The following OR10X1 variants were observed in gnomAD, a reference collection of about 807,000 sequenced individuals.
OR10X1 encodes olfactory receptor family 10 subfamily X member 1, also known as olfactory receptor 10X1.
For synonymous variants in OR10X1, 179 were observed against 142.6 expected (o/e 1.26, Z -1.82); for missense variants, 449 against 387.0 (o/e 1.16, Z -1.34).
Position 158,579,229 on chromosome 1 carries a change from A to T in OR10X1, c.671T>A (p.Leu224Gln), listed in dbSNP as rs367556548. ...CAGGATGATGAGCAGAAGGGTACCC[A>T]GCAAACCAGACACTGAGATCAGTGT... Reference protein sequence around the residue: ...IITLISVSGLLGTLLLIILTD... With the variant: ...IITLISVSGLQGTLLLIILTD... The change falls in exon 1 of 1, where the codon CTG (leucine) becomes CAG (glutamine). Residue 224 changes from leucine to glutamine, a missense_variant. Coordinates refer to ENST00000623167, the MANE Select transcript of OR10X1 (RefSeq NM_001004477.1). 1.2e-6 allele frequency: 2 copies of T among 1,614,018 alleles called. No individual in the cohort carries two copies. Among genetic ancestry groups the T allele is most frequent in the African/African-American group, 2.7e-5 (2 of 75,010 alleles).
At position 158,579,143 on chromosome 1, in the gene OR10X1, C is replaced by T. The variant is rs1422494527; in HGVS notation, c.757G>A (p.Ala253Thr). The T allele has an allele frequency of 7.4e-6, 12 of 1,613,674 alleles. No individual in the cohort carries two copies. Among genetic ancestry groups the T allele is most frequent in the Admixed American group, 6.7e-5 (4 of 59,962 alleles). Residue 253 changes from alanine to threonine, a missense_variant, in exon 1 of 1, where the codon GCC (alanine) becomes ACC (threonine). Ala to Thr is a moderately conservative substitution (Grantham distance 58). Transcript: ENST00000623167. ...AGGTGGGAGGCACAGGTGGTGAAGG[C>T]CTTCTGCTTGCCCTCAGCTGAAGGG... ...RIPSAEGKQK[A>T]FTTCASHLTV...
rs749110257 is a variant in OR10X1 at position 158,579,169 on chromosome 1, A to G, written c.731T>C (p.Ile244Thr). Residue 244 changes from isoleucine to threonine, a missense_variant, in exon 1 of 1, where the codon ATC (isoleucine) becomes ACC (threonine). Ile to Thr is a moderately conservative substitution (Grantham distance 89, BLOSUM62 -1). Transcript: ENST00000623167. The stretch of plus-strand genomic sequence containing the variant: ...CTTCTGCTTGCCCTCAGCTGAAGGG[A>G]TCCTGAGGACAGTAGAAATAATGAA... ...DVFIISTVLR[I>T]PSAEGKQKAF... 2 of 1,613,954 alleles carry G rather than the reference A, an allele frequency of 1.2e-6. No homozygotes were observed. The highest frequency in any genetic ancestry group is 2.2e-5 in the South Asian group (2 of 91,060).
rs1257763774 is a variant in OR10X1 at position 158,579,308 on chromosome 1, G to C, written c.592C>G (p.Leu198Val). 5.6e-6 allele frequency: 9 copies of C among 1,613,796 alleles called. No homozygotes were observed. The highest frequency in any genetic ancestry group is 2.7e-5 in the African/African-American group (2 of 74,872). ...ATACAAGACAGCCTAATAACTGCCA[G>C]CATATGGCAGAAGAAGTGTTTGACA... ...NLVKHFFCHM[L>V]AVIRLSCIDS... Residue 198 changes from leucine (L) to valine (V), a missense_variant, in exon 1 of 1, where the codon CTG (leucine) becomes GTG (valine). Leu to Val is a conservative substitution (Grantham distance 32). Transcript: ENST00000623167.
At position 158,579,138 on chromosome 1, in the gene OR10X1, G is replaced by A. The variant is rs1428681863; in HGVS notation, c.762C>T (p.Phe254=). ...IPSAEGKQKA[F]TTCASHLTVV... is the part of the protein sequence containing the mutation. ...CGGTGAGGTGGGAGGCACAGGTGGTGAAGGCCTTCTGCTTGCCCTCAGCTG... is the reference window on the plus strand; with the variant it reads ...CGGTGAGGTGGGAGGCACAGGTGGTAAAGGCCTTCTGCTTGCCCTCAGCTG... The change falls in exon 1 of 1, where the codon TTC becomes TTT. Residue 254 remains phenylalanine, a synonymous_variant. Coordinates refer to ENST00000623167, the MANE Select transcript of OR10X1 (RefSeq NM_001004477.1). 1.2e-6 allele frequency: 2 copies of A among 1,613,942 alleles called. No individual in the cohort carries two copies. Among genetic ancestry groups the A allele is most frequent in the African/African-American group, 1.3e-5 (1 of 74,992 alleles).
Position 158,579,459 on chromosome 1 carries a change from T to A in OR10X1, c.441A>T (p.Arg147Ser). 6.2e-7 allele frequency: 1 copy of A among 1,614,032 alleles called. No homozygotes were observed. The highest frequency in any genetic ancestry group is 8.5e-7 in the Non-Finnish European group (1 of 1,179,962). ...DRFLAICNPL[R>S]YPLLMTNIVC... The stretch of plus-strand genomic sequence containing the variant: ...CAATGTTGGTCATAAGCAGTGGATA[T>A]CTTAGAGGGTTACAGATGGCCAGGA... The change falls in exon 1 of 1, where the codon AGA becomes AGT. Residue 147 changes from arginine (R) to serine (S), a missense_variant. Transcript: ENST00000623167.
In OR10X1 at chr1:158,579,792, G is replaced by T; in HGVS notation, c.108C>A (p.Tyr36Ter). The change falls in exon 1 of 1, where the codon TAC becomes TAA. Residue 36 changes from tyrosine (Y) to a stop codon, truncating the protein, a stop_gained. Coordinates refer to ENST00000623167, the MANE Select transcript of OR10X1 (RefSeq NM_001004477.1). LOFTEE classifies it low-confidence loss of function (END_TRUNC). The part of the protein sequence containing the change: ...KEFILVGFSV[Y>*]PHVQTFLFVV... ...CAAAAAGAAATGTCTGTACATGTGG[G>T]TACACAGAAAAGCCAACAAGAATGA... 1 of 1,614,020 alleles carries T rather than the reference G, an allele frequency of 6.2e-7. No homozygotes were observed. Among genetic ancestry groups the T allele is most frequent in the Non-Finnish European group, 8.5e-7 (1 of 1,179,946 alleles).
rs556504649 is a variant in OR10X1, at chr1:158,579,850, G to A, written c.50C>T (p.Thr17Met). The A allele has an allele frequency of 1.5e-4, 234 of 1,602,688 alleles. No homozygotes were observed. Among genetic ancestry groups the A allele is most frequent in the Non-Finnish European group, 1.8e-4 (208 of 1,176,934 alleles). ...CCFFQISDIQ[T>M]MKINQTILKE... Reference sequence around the variant, plus strand: ...CAGGATTGTCTGGTTGATCTTCATCGTTTGAATGTCTGAAATTTGAAAGAA... The same window carrying A: ...CAGGATTGTCTGGTTGATCTTCATCATTTGAATGTCTGAAATTTGAAAGAA... Residue 17 changes from threonine (T) to methionine (M), a missense_variant, in exon 1 of 1, where the codon ACG (threonine) becomes ATG (methionine). Thr to Met is a moderately conservative substitution (Grantham distance 81). Transcript: ENST00000623167.
In OR10X1 at chr1:158,579,195, G is replaced by A. The variant is rs370999154; in HGVS notation, c.705C>T (p.Val235=). 8.1e-6 allele frequency: 13 copies of A among 1,613,758 alleles called. No individual in the cohort carries two copies. The African/African-American group carries it at 1.6e-4, about 20-fold the overall frequency. ...TCCTGAGGACAGTAGAAATAATGAA[G>A]ACATCAGTCAGGATGATGAGCAGAA... ...GTLLLIILTD[V]FIISTVLRIP... The change falls in exon 1 of 1, where the codon GTC becomes GTT. Residue 235 remains valine (V), a synonymous_variant. Coordinates refer to ENST00000623167, the MANE Select transcript of OR10X1 (RefSeq NM_001004477.1).
Position 158,579,035 on chromosome 1 carries a change from C to G in OR10X1, c.865G>C (p.Val289Leu), listed in dbSNP as rs1557904321. The G allele has an allele frequency of 6.2e-7, 1 of 1,614,006 alleles. No homozygotes were observed. The highest frequency in any genetic ancestry group is 1.7e-5 in the Admixed American group (1 of 59,994). The change falls in exon 1 of 1, where the codon GTC (valine) becomes CTC (leucine). Residue 289 changes from valine to leucine, a missense_variant. Physicochemically the swap from Val to Leu is conservative, Grantham distance 32. Coordinates refer to ENST00000623167, the MANE Select transcript of OR10X1 (RefSeq NM_001004477.1). ...EASGDDTLIAVPYTVITPFLS... is the reference protein window; with the variant it reads ...EASGDDTLIALPYTVITPFLS... ...AAGGGGGTAATGACAGTATAAGGGA[C>G]TGCTATGAGTGTGTCATCTCCTGAG...
At position 158,579,008 on chromosome 1, in the gene OR10X1, G is replaced by A. The variant is rs769538674; in HGVS notation, c.892C>T (p.Leu298Phe). 22 of 1,613,870 alleles carry A rather than the reference G, an allele frequency of 1.4e-5. No homozygotes were observed. Among genetic ancestry groups the A allele is most frequent in the South Asian group, 2.2e-5 (2 of 91,080 alleles). ...AVPYTVITPF[L>F]SPIIFSLRNK... ...CTCAGGCTGAATATGATGGGGCTGA[G>A]GAAGGGGGTAATGACAGTATAAGGG... The change falls in exon 1 of 1, where the codon CTC (leucine) becomes TTC (phenylalanine). Residue 298 changes from leucine (L) to phenylalanine (F), a missense_variant. Leu to Phe is a conservative substitution (Grantham distance 22, BLOSUM62 0). Coordinates refer to ENST00000623167, the MANE Select transcript of OR10X1 (RefSeq NM_001004477.1).
chr1:158,579,671 G>T lies in OR10X1; in HGVS notation c.229C>A (p.Leu77Ile). ...VDRSLHTPMY[L>I]FLSALSFSET... ...GAGAAGGAGAGTGCACTAAGGAAGAGATACATAGGGGTGTGGAGGGACCTG... is the reference window on the plus strand; with the variant it reads ...GAGAAGGAGAGTGCACTAAGGAAGATATACATAGGGGTGTGGAGGGACCTG... The change falls in exon 1 of 1, where the codon CTC becomes ATC. Residue 77 changes from leucine to isoleucine, a missense_variant. Transcript: ENST00000623167. The T allele has an allele frequency of 6.2e-7, 1 of 1,614,016 alleles. No individual in the cohort carries two copies. Among genetic ancestry groups the T allele is most frequent in the Admixed American group, 1.7e-5 (1 of 60,018 alleles).
At position 158,578,989 on chromosome 1, in the gene OR10X1, C is replaced by T. The variant is rs376057452; in HGVS notation, c.911G>A (p.Ser304Asn). ...ATTTTTCATGTCCTTATTCCTCAGG[C>T]TGAATATGATGGGGCTGAGGAAGGG... The part of the protein sequence containing the change: ...ITPFLSPIIF[S>N]LRNKDMKNAF... Residue 304 changes from serine to asparagine, a missense_variant, in exon 1 of 1, where the codon AGC becomes AAC. Ser to Asn is a conservative substitution (Grantham distance 46, BLOSUM62 1). Coordinates refer to ENST00000623167, the MANE Select transcript of OR10X1 (RefSeq NM_001004477.1). 6 of 1,613,178 alleles carry T rather than the reference C, an allele frequency of 3.7e-6. No individual in the cohort carries two copies. The highest frequency in any genetic ancestry group is 1.3e-5 in the African/African-American group (1 of 74,840).
In OR10X1 at chr1:158,579,161, C is replaced by G. The variant is rs1298790674; in HGVS notation, c.739G>C (p.Ala247Pro). The G allele has an allele frequency of 2.5e-6, 4 of 1,613,830 alleles. No individual in the cohort carries two copies. In the South Asian group the frequency reaches 3.3e-5, roughly 13 times the overall value. The change falls in exon 1 of 1, where the codon GCT (alanine) becomes CCT (proline). Residue 247 changes from alanine to proline, a missense_variant. By Grantham distance (27) the Ala-to-Pro change is conservative (BLOSUM62 -1). Coordinates refer to ENST00000623167, the MANE Select transcript of OR10X1 (RefSeq NM_001004477.1). ...GTGAAGGCCTTCTGCTTGCCCTCAG[C>G]TGAAGGGATCCTGAGGACAGTAGAA... ...IISTVLRIPS[A>P]EGKQKAFTTC... is the part of the protein sequence containing the mutation.
Position 158,579,789 on chromosome 1 carries a change from T to C in OR10X1, c.111A>G (p.Pro37=). 6.2e-7 allele frequency: 1 copy of C among 1,614,054 alleles called. No homozygotes were observed. The highest frequency in any genetic ancestry group is 1.1e-5 in the South Asian group (1 of 91,070). ...EFILVGFSVY[P]HVQTFLFVVF... is the part of the protein sequence containing the mutation. The stretch of plus-strand genomic sequence containing the variant: ...CCACAAAAAGAAATGTCTGTACATG[T>C]GGGTACACAGAAAAGCCAACAAGAA... Residue 37 remains proline (P), a synonymous_variant, in exon 1 of 1, where the codon CCA becomes CCG. Coordinates refer to ENST00000623167, the MANE Select transcript of OR10X1 (RefSeq NM_001004477.1).
rs147222207 is a variant in OR10X1, at chr1:158,579,748, T to C, written c.152A>G (p.Tyr51Cys). The C allele has an allele frequency of 2.4e-5, 38 of 1,613,974 alleles. No individual in the cohort carries two copies. In the African/African-American group the frequency reaches 3.6e-4, roughly 15 times the overall value. Reference sequence around the variant, plus strand: ...CAGATTACCTGCAAGGGTGAGAAGGTAGAGACAAAAGAAGACCACAAAAAG... The same window carrying C: ...CAGATTACCTGCAAGGGTGAGAAGGCAGAGACAAAAGAAGACCACAAAAAG... ...TFLFVVFFCL[Y>C]LLTLAGNLII... The change falls in exon 1 of 1, where the codon TAC becomes TGC. Residue 51 changes from tyrosine (Y) to cysteine (C), a missense_variant. By Grantham distance (194) the Tyr-to-Cys change is radical. Transcript: ENST00000623167.
In OR10X1 at chr1:158,579,688, AGG is replaced by A. The variant is rs1171563089; in HGVS notation, c.210_211del (p.Leu71ProfsTer9). 5 of 1,614,006 alleles carry A rather than the reference AGG, an allele frequency of 3.1e-6. No individual in the cohort carries two copies. Among genetic ancestry groups the A allele is most frequent in the Non-Finnish European group, 3.4e-6 (4 of 1,179,914 alleles). ...AAGGAAGAGATACATAGGGGTGTGG[AGG>A]GACCTGTCCACCCAAGTTAGACCCA... is the stretch of plus-strand genomic sequence containing the variant. On this transcript the variant is annotated frameshift_variant, in exon 1 of 1. Transcript: ENST00000623167. LOFTEE classifies it low-confidence loss of function (END_TRUNC).
At position 158,579,672 on chromosome 1, in the gene OR10X1, A is replaced by T. The variant is rs1302385391; in HGVS notation, c.228T>A (p.Tyr76Ter). The change falls in exon 1 of 1, where the codon TAT becomes TAA. Residue 76 changes from tyrosine (Y) to a stop codon, truncating the protein, a stop_gained. Coordinates refer to ENST00000623167, the MANE Select transcript of OR10X1 (RefSeq NM_001004477.1). LOFTEE classifies it low-confidence loss of function (END_TRUNC). ...WVDRSLHTPM[Y>*]LFLSALSFSE... The stretch of plus-strand genomic sequence containing the variant: ...AGAAGGAGAGTGCACTAAGGAAGAG[A>T]TACATAGGGGTGTGGAGGGACCTGT... The T allele has an allele frequency of 1.9e-6, 3 of 1,613,890 alleles. No homozygotes were observed. In the African/African-American group the frequency reaches 4.0e-5, roughly 22 times the overall value.
rs1648424640 is a variant in OR10X1 at position 158,579,476 on chromosome 1, TGGCCAGG to T, written c.417_423del (p.Phe139LeufsTer6). ...AGTGGATATCTTAGAGGGTTACAGA[TGGCCAGG>T]AAGCGGTCATATCCCATCAAAGTGA... On this transcript the variant is annotated frameshift_variant, in exon 1 of 1. Transcript: ENST00000623167. LOFTEE classifies it low-confidence loss of function (END_TRUNC). 1.2e-6 allele frequency: 2 copies of T among 1,613,918 alleles called. No homozygotes were observed. The highest frequency in any genetic ancestry group is 2.7e-5 in the African/African-American group (2 of 74,904).
At position 158,579,246 on chromosome 1, in the gene OR10X1, G is replaced by T. The variant is rs778891316; in HGVS notation, c.654C>A (p.Ile218=). 6.2e-7 allele frequency: 1 copy of T among 1,612,766 alleles called. No individual in the cohort carries two copies. The highest frequency in any genetic ancestry group is 1.1e-5 in the South Asian group (1 of 91,054). The change falls in exon 1 of 1, where the codon ATC becomes ATA. Residue 218 remains isoleucine, a synonymous_variant. Coordinates refer to ENST00000623167, the MANE Select transcript of OR10X1 (RefSeq NM_001004477.1). ...SNHTEFIITL[I]SVSGLLGTLL... is the part of the protein sequence containing the mutation. ...GGGTACCCAGCAAACCAGACACTGA[G>T]ATCAGTGTTATAATGAATTCTGTGT...
Sources: gnomAD v4.1 joint callset for allele counts on GRCh38, gnomAD v4.1.1 for gene constraint, MANE v1.5 for transcripts, NCBI Gene and HGNC (gene_info 2026-07-23, HGNC 2026-07-21) for gene names.